The following PAIP2 variants were observed in gnomAD, a reference collection of about 807,000 sequenced individuals.
PAIP2 encodes polyadenylate-binding protein-interacting protein 2.
In PAIP2, 7 loss-of-function variants were observed where a neutral mutation model predicts 14.8. The ratio of observed to expected loss-of-function variants is 0.47; its 90% CI spans 0.27 to 0.89. The LOEUF (loss-of-function observed/expected upper bound fraction) is 0.89. PAIP2 is among the 40% of genes least tolerant of loss of function. The pLI is 0.13. For synonymous variants in PAIP2, 47 were observed against 45.3 expected (o/e 1.04, Z -0.15); for missense variants, 122 against 154.7 (o/e 0.79, Z 1.12).
At chr5:139,349,349 A>G (rs62381618) in intron 1 of PAIP2, among the ~76,000 whole-genome samples, 7,151 of 152,194 alleles carry the variant, frequency 0.047, 253 homozygotes, top group African/African-American at 0.092. Context: ...CCTGAGTTCA[A>G]GCAATTCTCC....
intron 2 of PAIP2, 168 bp downstream of exon 2, chr5:139,364,090 C>T (rs576798255): frequency 3.6e-5 from 22 of 616,812 alleles, no homozygotes; most frequent in Middle Eastern, 8.7e-4. Context: ...TAACTGCTTA[C>T]GGAAATAACC....
chr5:139,360,471 T>C (rs1757036530), intron 1 of PAIP2, among the ~76,000 whole-genome samples: 1 of 152,146 alleles, frequency 6.6e-6, no homozygotes, highest in Admixed American at 6.5e-5. Flanking sequence ...TGAGTCTGTT[T>C]CTGCCTTTCT....
chr5:139,353,883 C>T (rs1453422073), intron 1 of PAIP2, among the ~76,000 whole-genome samples: 1 of 151,976 alleles, frequency 6.6e-6, no homozygotes. Context: ...CCACACCCAC[C>T]TAATTTTTTT....
chr5:139,344,187 A>G (rs1756468141), intron 1 of PAIP2, among the ~76,000 whole-genome samples: 1 of 152,204 alleles, frequency 6.6e-6, no homozygotes. Context: ...AACTTTCCCA[A>G]TGTCACAGAG....
At chr5:139,345,420 T>C (rs1389515441) in intron 1 of PAIP2, among the ~76,000 whole-genome samples, 2 of 151,944 alleles carry the variant, frequency 1.3e-5, no homozygotes, top group Non-Finnish European at 1.5e-5. Flanking sequence ...GACTTCAGAG[T>C]GGAAAACAGA....
chr5:139,343,708 GTTTTT>G (rs61419083), intron 1 of PAIP2, among the ~76,000 whole-genome samples: 2 of 130,948 alleles, frequency 1.5e-5, no homozygotes, highest in African/African-American at 2.9e-5. Context: ...GGCAGAGCAA[GTTTTT>G]TTTTTTTTTT....
At chr5:139,366,081 T>C (rs1328398612) in intron 3 of PAIP2, among the ~76,000 whole-genome samples, 1 of 151,672 alleles carries the variant, frequency 6.6e-6, no homozygotes, top group East Asian at 1.9e-4. Flanking sequence ...TGCGTGCCTG[T>C]AATCCCAGCT....
intron 1 of PAIP2, among the ~76,000 whole-genome samples, chr5:139,349,690 C>T (rs964613891): frequency 3.3e-4 from 50 of 152,148 alleles, no homozygotes; most frequent in African/African-American, 3.1e-4. Flanking sequence ...AGACATAAAA[C>T]GAAACATCAG....
At chr5:139,345,917 G>A (rs962554182) in intron 1 of PAIP2, among the ~76,000 whole-genome samples, 5 of 152,084 alleles carry the variant, frequency 3.3e-5, no homozygotes, top group Non-Finnish European at 7.4e-5. Context: ...GTGAGCCACC[G>A]CACCAGGCCT....
intron 1 of PAIP2, among the ~76,000 whole-genome samples, chr5:139,362,709 C>G (rs1327374586): frequency 1.3e-5 from 2 of 151,646 alleles, no homozygotes; most frequent in African/African-American, 4.8e-5. Context: ...CGCGCCTGGC[C>G]TTTTTTGTAT....
rs1462599602 is a variant in PAIP2, at chr5:139,369,662, T to TA, written c.*871dup. On this transcript the variant is annotated 3_prime_UTR_variant, in exon 4 of 4. Transcript: ENST00000265192. ...AATAGTGTTTAAGTTGAAAATATTG[T>TA]AAAAAAATTATATTTTTTCAAAAAT... 1.3e-5 allele frequency: 2 copies of TA among 152,548 alleles called. No individual in the cohort carries two copies. The highest frequency in any genetic ancestry group is 2.9e-5 in the Non-Finnish European group (2 of 68,024). The allele number at this position is 152,548 out of a possible 1,614,324, so 9.4% of individuals were successfully genotyped here.
At chr5:139,361,935 C>CAAAAAAAA (rs34168919) in intron 1 of PAIP2, among the ~76,000 whole-genome samples, 1 of 100,018 alleles carries the variant, frequency 1.0e-5, no homozygotes. Context: ...GACCCTGTCT[C>CAAAAAAAA]AAAAAAAAAA....
At chr5:139,355,117 C>A (rs1446574098) in intron 1 of PAIP2, among the ~76,000 whole-genome samples, 1 of 151,244 alleles carries the variant, frequency 6.6e-6, no homozygotes, top group Non-Finnish European at 1.5e-5. Flanking sequence ...TGAGCCACCG[C>A]ACCTGGCCCA....
chr5:139,343,630 T>C (rs933256987), intron 1 of PAIP2, among the ~76,000 whole-genome samples: 6 of 152,128 alleles, frequency 3.9e-5, no homozygotes, highest in Admixed American at 2.6e-4. Flanking sequence ...TAATAACCTT[T>C]TGTGCTTTTA....
intron 1 of PAIP2, chr5:139,343,378 C>G (rs1486463611): frequency 2.0e-5 from 3 of 152,166 alleles, no homozygotes; most frequent in Non-Finnish European, 4.4e-5. Context: ...CAAGGCTGTG[C>G]ACGTTGCTCC....
In PAIP2 at chr5:139,363,806, A is replaced by G; in HGVS notation, c.22A>G (p.Ser8Gly). 3 of 1,613,958 alleles carry G rather than the reference A, an allele frequency of 1.9e-6. No homozygotes were observed. Among genetic ancestry groups the G allele is most frequent in the South Asian group, 2.2e-5 (2 of 91,002 alleles). The change falls in exon 2 of 4, where the codon AGT becomes GGT. Residue 8 changes from serine to glycine, a missense_variant. Around this residue, in one of 3 missense-constraint regions of PAIP2, gnomAD observed 42 missense variants for 36.7 expected, o/e 1.15. Coordinates refer to ENST00000265192, the MANE Select transcript of PAIP2 (RefSeq NM_016480.5). Reference protein sequence around the residue: MKDPSRSSTSPSIINEDV... With the variant: MKDPSRSGTSPSIINEDV... ...AGCCATGAAAGATCCAAGTCGCAGC[A>G]GTACTAGCCCAAGCATCATCAATGA...
chr5:139,353,031 G>A (rs560239710), intron 1 of PAIP2, among the ~76,000 whole-genome samples: 1 of 151,370 alleles, frequency 6.6e-6, no homozygotes, highest in Non-Finnish European at 1.5e-5. Context: ...CAGGACAATC[G>A]TTTGAACCCA....
Position 139,363,931 on chromosome 5 carries a change from T to C in PAIP2, c.138+9T>C, listed in dbSNP as rs1317285779. On this transcript the variant is annotated intron_variant, in intron 2 of 3. Transcript: ENST00000265192. ...AAGAATTCAACAGACAAGTTAGTTT[T>C]TTGTACAAACATGTTTTTATAGTCC... 1 of 1,612,478 alleles carries C rather than the reference T, an allele frequency of 6.2e-7. No individual in the cohort carries two copies. Among genetic ancestry groups the C allele is most frequent in the Non-Finnish European group, 8.5e-7 (1 of 1,178,698 alleles).
intron 1 of PAIP2, among the ~76,000 whole-genome samples, chr5:139,344,757 T>TTC (rs1581285395): frequency 1.3e-5 from 2 of 152,234 alleles, no homozygotes; most frequent in African/African-American, 4.8e-5. Flanking sequence ...ACACTACAGT[T>TTC]GAGATTAGGG....
Sources: gnomAD v4.1 joint callset for allele counts (sites outside exome capture counted in the v4.1 genomes callset) on GRCh38, gnomAD v4.1.1 for gene constraint, gnomAD v4.1.1 regional missense constraint, MANE v1.5 for transcripts, NCBI Gene and HGNC (gene_info 2026-07-23, HGNC 2026-07-21) for gene names.